Variants in RIPOR2 observed in about 807,000 individuals in gnomAD.
RIPOR2 encodes RHO family interacting cell polarization regulator 2, also known as rho family-interacting cell polarization regulator 2.
A neutral mutation model predicts 114.5 loss-of-function variants in RIPOR2; 39 were observed. The observed-to-expected ratio is 0.34, with a 90% confidence interval of 0.26 to 0.44. The LOEUF (loss-of-function observed/expected upper bound fraction) is 0.44. Ranked by LOEUF, RIPOR2 falls within the 20% of genes least tolerant of loss-of-function variation. The pLI, the probability that RIPOR2 is intolerant of heterozygous loss-of-function variation, is 1.00. For missense variants in RIPOR2, 1,007 were observed against 1,255.1 expected (o/e 0.80, Z 2.99); for synonymous variants, 445 against 484.4 (o/e 0.92, Z 1.07).
At chr6:25,019,272 A>C (rs1305900596) in intron 1 of RIPOR2, among the ~76,000 whole-genome samples, 2 of 152,170 alleles carry the variant, frequency 1.3e-5, no homozygotes, top group Non-Finnish European at 2.9e-5. Flanking sequence ...ATAGTTGTTA[A>C]GAAAGCAGGC....
At chr6:24,924,453 C>G (rs1271611489) in intron 1 of RIPOR2, among the ~76,000 whole-genome samples, 3 of 152,118 alleles carry the variant, frequency 2.0e-5, no homozygotes, top group Non-Finnish European at 4.4e-5. Flanking sequence ...TGTGTGCTAT[C>G]TTCTTTCACC....
At chr6:24,850,065 G>T in intron 10 of RIPOR2, 115 bp from the exon 11 acceptor site, 2 of 743,092 alleles carry the variant, frequency 2.7e-6, no homozygotes, top group Non-Finnish European at 4.3e-6. Flanking sequence ...AATCATATCT[G>T]AAATCAGAAG....
At chr6:24,830,772 AT>A in intron 16 of RIPOR2, 102 bp from the exon 17 acceptor site, 1 of 1,225,160 alleles carries the variant, frequency 8.2e-7, no homozygotes, top group Non-Finnish European at 1.1e-6. Flanking sequence ...CTGGAGTGCA[AT>A]GGCATGATCT....
chr6:24,830,752 G>T, intron 16 of RIPOR2, 82 bp from the exon 17 acceptor site: 5 of 1,405,750 alleles, frequency 3.6e-6, no homozygotes, highest in Non-Finnish European at 3.8e-6. Context: ...GTCTTGCTTT[G>T]TTACCCAGGC....
intron 1 of RIPOR2, chr6:24,976,736 G>A: frequency 6.2e-7 from 1 of 1,611,076 alleles, no homozygotes; most frequent in Non-Finnish European, 8.5e-7. Flanking sequence ...GAAATTTGAA[G>A]ATGAGAACTT....
chr6:24,831,560 T>A (rs1050199331), intron 16 of RIPOR2, among the ~76,000 whole-genome samples: 3 of 152,140 alleles, frequency 2.0e-5, no homozygotes, highest in Non-Finnish European at 4.4e-5. Flanking sequence ...CCCCTCTTCA[T>A]GCCCCTCAGA....
At chr6:24,862,489 T>C (rs1245569590) in intron 7 of RIPOR2, among the ~76,000 whole-genome samples, 1 of 152,198 alleles carries the variant, frequency 6.6e-6, no homozygotes, top group African/African-American at 2.4e-5. Context: ...ATCACTCTCA[T>C]GGGATGCAAA....
chr6:24,909,601 G>C (rs1007937117), intron 1 of RIPOR2, among the ~76,000 whole-genome samples: 2 of 152,046 alleles, frequency 1.3e-5, no homozygotes, highest in Non-Finnish European at 2.9e-5. Flanking sequence ...TCGAGCAGAC[G>C]CTCACACAGG....
intron 8 of RIPOR2, among the ~76,000 whole-genome samples, chr6:24,859,268 A>G (rs764847136): frequency 3.3e-5 from 5 of 152,194 alleles, no homozygotes; most frequent in Non-Finnish European, 5.9e-5. Context: ...TAGCAGTGAT[A>G]GGTGATGTGC....
chr6:24,831,622 T>G (rs375292008), intron 16 of RIPOR2, among the ~76,000 whole-genome samples: 1 of 152,100 alleles, frequency 6.6e-6, no homozygotes, highest in East Asian at 1.9e-4. Flanking sequence ...GAGGCAGAAA[T>G]GCACAGGGAG....
At chr6:24,821,787 C>A (rs1454433668) in intron 19 of RIPOR2, among the ~76,000 whole-genome samples, 1 of 152,224 alleles carries the variant, frequency 6.6e-6, no homozygotes, top group Admixed American at 6.5e-5. Flanking sequence ...CACTTGCCAT[C>A]AACCCCCTCC....
chr6:24,873,281 A>G lies in RIPOR2; in HGVS notation c.345-322T>C, dbSNP rs930032529. On this transcript the variant is annotated intron_variant, in intron 3 of 21. Transcript: ENST00000643898. ...AGAATTCTATCTAGTCAAATAGAAC[A>G]AATAGTGAATGTCCCATTGCACACT... is the stretch of plus-strand genomic sequence containing the variant. 2.0e-5 allele frequency among the ~76,000 whole-genome samples: 3 copies of G among 152,350 alleles called. No individual in the cohort carries two copies. The South Asian group carries it at 6.2e-4, about 32-fold the overall frequency.
At chr6:25,027,607 C>T (rs1048159703) in intron 1 of RIPOR2, among the ~76,000 whole-genome samples, 11 of 152,358 alleles carry the variant, frequency 7.2e-5, no homozygotes, top group Admixed American at 5.9e-4. Context: ...ATGAGAGGGG[C>T]ATCTTCTGCT....
rs919085060 is a variant in RIPOR2 at position 24,910,903 on chromosome 6, A to G, written c.61+24935T>C. 7.1e-6 allele frequency: 7 copies of G among 985,228 alleles called. No individual in the cohort carries two copies. The African/African-American group carries it at 1.0e-4, about 15-fold the overall frequency. 61.0% of individuals were successfully genotyped at this position (985,228 alleles called of 1,614,324 possible). A position where few individuals can be genotyped will look rare whatever the true frequency, so the allele number is the denominator to read the frequency against. ...GCCTCCGCACCAATGCAATGCCCGG[A>G]GCTGCCCGCACCTCCGGCTTTGCAG... On this transcript the variant is annotated intron_variant, in intron 1 of 21. Coordinates refer to ENST00000643898, the MANE Select transcript of RIPOR2 (RefSeq NM_001286445.3).
chr6:25,018,898 T>A (rs1451026736), intron 1 of RIPOR2, among the ~76,000 whole-genome samples: 1 of 152,294 alleles, frequency 6.6e-6, no homozygotes, highest in East Asian at 1.9e-4. Context: ...CTATTGATGA[T>A]CATTGTCTCC....
intron 1 of RIPOR2, among the ~76,000 whole-genome samples, chr6:25,025,959 T>C (rs769916135): frequency 2.6e-5 from 4 of 152,150 alleles, no homozygotes; most frequent in Admixed American, 6.5e-5. Context: ...CTTTGATACA[T>C]GGTATTTCAA....
chr6:24,952,126 A>G (rs1033865336), intron 1 of RIPOR2, among the ~76,000 whole-genome samples: 1 of 152,226 alleles, frequency 6.6e-6, no homozygotes, highest in Non-Finnish European at 1.5e-5. Context: ...ACAATGTGTA[A>G]GAACACAACA....
chr6:24,976,642 T>C (rs1774063359), intron 1 of RIPOR2: 1 of 1,609,560 alleles, frequency 6.2e-7, no homozygotes, highest in African/African-American at 1.3e-5. Flanking sequence ...GGGTTCCTGC[T>C]TTCACAGAAT....
At chr6:25,022,738 G>A (rs1776393398) in intron 1 of RIPOR2, among the ~76,000 whole-genome samples, 1 of 151,386 alleles carries the variant, frequency 6.6e-6, no homozygotes, top group Non-Finnish European at 1.5e-5. Context: ...TAGAGATAGA[G>A]TCCCACTATG....
Sources: gnomAD v4.1 joint callset for allele counts (sites outside exome capture counted in the v4.1 genomes callset) on GRCh38, gnomAD v4.1.1 for gene constraint, MANE v1.5 for transcripts, NCBI Gene and HGNC (gene_info 2026-07-23, HGNC 2026-07-21) for gene names.